The following ADCYAP1 variants were observed in gnomAD, a reference collection of about 807,000 sequenced individuals.
ADCYAP1 encodes adenylate cyclase activating polypeptide 1.
Under a neutral mutation model 18.5 loss-of-function variants are expected in ADCYAP1, and 6 were observed. The observed-to-expected ratio is 0.32, with a 90% CI of 0.18 to 0.64. ADCYAP1 has a LOEUF of 0.64. ADCYAP1 is among the 30% of genes least tolerant of loss of function. The probability of loss-of-function intolerance (pLI) is 0.77; values close to 1 mark genes in which losing one functional copy is unlikely to be tolerated. For missense variants in ADCYAP1, 314 were observed against 253.6 expected, an observed-to-expected ratio of 1.24 and a Z score of -1.62; for synonymous variants, 136 against 113.9, an observed-to-expected ratio of 1.19 and a Z score of -1.24.
At position 910,654 on chromosome 18, in the gene ADCYAP1, T is replaced by C. The variant is rs191206837; in HGVS notation, c.*1019T>C. 7.2e-5 allele frequency: 11 copies of C among 152,358 alleles called. No individual in the cohort carries two copies. Among genetic ancestry groups the C allele is most frequent in the Non-Finnish European group, 1.3e-4 (9 of 68,054 alleles). The allele number at this position is 152,358 out of a possible 1,614,324, so 9.4% of individuals were successfully genotyped here. Reference sequence around the variant, plus strand: ...TCCCAATGGTCCTGACTTTGGGCGCTGGGTATTGGAAATGGATGCAAAGTA... The same window carrying C: ...TCCCAATGGTCCTGACTTTGGGCGCCGGGTATTGGAAATGGATGCAAAGTA... On this transcript the variant is annotated 3_prime_UTR_variant, in exon 5 of 5. Coordinates refer to ENST00000450565, the MANE Select transcript of ADCYAP1 (RefSeq NM_001099733.2).
In ADCYAP1 at chr18:911,878, T is replaced by G. The variant is rs1469049443; in HGVS notation, c.*2243T>G. 2 of 152,236 alleles carry G rather than the reference T, an allele frequency of 1.3e-5. No homozygotes were observed. Among genetic ancestry groups the G allele is most frequent in the Non-Finnish European group, 2.9e-5 (2 of 68,044 alleles). 9.4% of individuals were successfully genotyped at this position (152,236 alleles called of 1,614,324 possible). A position where few individuals can be genotyped will look rare whatever the true frequency, so the allele number is the denominator to read the frequency against. On this transcript the variant is annotated 3_prime_UTR_variant, in exon 5 of 5. Coordinates refer to ENST00000450565, the MANE Select transcript of ADCYAP1 (RefSeq NM_001099733.2). ...AGGGCTCTAGTTAACCTTTTATTTA[T>G]GAAGTCTAATTTAGTGTTCCCGTGG...
intron 1 of ADCYAP1, 138 bp from the exon 2 acceptor site, chr18:905,248 T>C (rs1909117924): frequency 4.0e-6 from 6 of 1,481,904 alleles, no homozygotes; most frequent in Non-Finnish European, 5.3e-6. Context: ...GCGCACCGGC[T>C]GTCGCCAAGT....
chr18:907,809 C>T lies in ADCYAP1; in HGVS notation c.242+19C>T, dbSNP rs774718568. On this transcript the variant is annotated intron_variant, in intron 3 of 4. Transcript: ENST00000450565. The stretch of plus-strand genomic sequence containing the variant: ...GGAGAAGGTGAGATTCGCGCGGCCT[C>T]GCGCACACCCGCGGCTGGGAGCTCG... 23 of 1,418,750 alleles carry T rather than the reference C, an allele frequency of 1.6e-5. No individual in the cohort carries two copies. The highest frequency in any genetic ancestry group is 3.3e-5 in the Admixed American group (1 of 30,232). The allele number at this position is 1,418,750 out of a possible 1,614,324, so 87.9% of individuals were successfully genotyped here.
chr18:907,003 CCGGAGGGTGCGGACGCGCCACAGT>C (rs766848944), intron 2 of ADCYAP1, among the ~76,000 whole-genome samples: 112 of 152,382 alleles, frequency 7.3e-4, no homozygotes, highest in Non-Finnish European at 1.4e-3. Flanking sequence ...GCGAGAAGCA[CCGGAGGGTGCGGACGCGCCACAGT>C]CTGAGCCGCC....
chr18:904,988 C>G lies in ADCYAP1; in HGVS notation c.-74C>G. The G allele has an allele frequency of 7.7e-7, 1 of 1,291,314 alleles. No homozygotes were observed. The highest frequency in any genetic ancestry group is 1.2e-5 in the South Asian group (1 of 80,980). The allele number at this position is 1,291,314 out of a possible 1,614,324, so 80.0% of individuals were successfully genotyped here. On this transcript the variant is annotated 5_prime_UTR_variant, in exon 1 of 5. Transcript: ENST00000450565. Reference sequence around the variant, plus strand: ...GATGCCTCTCGGGTGGTGACTCCAGCGCAGGAACTTGAAGAAGCGCTTTGC... The same window carrying G: ...GATGCCTCTCGGGTGGTGACTCCAGGGCAGGAACTTGAAGAAGCGCTTTGC...
upstream of ADCYAP1, chr18:904,811 C>G (rs1013120067): frequency 7.8e-7 from 1 of 1,285,366 alleles, no homozygotes; most frequent in Non-Finnish European, 1.0e-6. Context: ...TCTCTCTCTG[C>G]GCCCCCTTCT....
rs994494394 is a variant in ADCYAP1, at chr18:911,447, G to A, written c.*1812G>A. On this transcript the variant is annotated 3_prime_UTR_variant, in exon 5 of 5. Coordinates refer to ENST00000450565, the MANE Select transcript of ADCYAP1 (RefSeq NM_001099733.2). ...AAAAAAGAACAAGGAAAGATTAAAC[G>A]TTAGCTTGTAAAGTTTAAAGGACCT... 1.3e-5 allele frequency: 2 copies of A among 151,302 alleles called. No individual in the cohort carries two copies. Among genetic ancestry groups the A allele is most frequent in the Non-Finnish European group, 2.9e-5 (2 of 67,916 alleles). 9.4% of individuals were successfully genotyped at this position (151,302 alleles called of 1,614,324 possible). A position where few individuals can be genotyped will look rare whatever the true frequency, so the allele number is the denominator to read the frequency against.
Position 911,632 on chromosome 18 carries a change from A to C in ADCYAP1, c.*1997A>C, listed in dbSNP as rs1425267210. The C allele has an allele frequency of 1.3e-5, 2 of 152,224 alleles. No homozygotes were observed. The highest frequency in any genetic ancestry group is 4.8e-5 in the African/African-American group (2 of 41,460). 9.4% of individuals were successfully genotyped at this position (152,224 alleles called of 1,614,324 possible). A position where few individuals can be genotyped will look rare whatever the true frequency, so the allele number is the denominator to read the frequency against. ...ATGCCTGAGTCCTGTGTATAGGATC[A>C]ATCTTCCTTTAATTCCGCAGTCTCC... On this transcript the variant is annotated 3_prime_UTR_variant, in exon 5 of 5. Transcript: ENST00000450565.
chr18:905,302 C>G, intron 1 of ADCYAP1, 84 bp from the exon 2 acceptor site: 2 of 1,549,334 alleles, frequency 1.3e-6, no homozygotes, highest in Non-Finnish European at 1.7e-6. Flanking sequence ...GTCCCTCCCC[C>G]GGCTTCCAGA....
upstream of ADCYAP1, chr18:904,579 G>C (rs1909084555): frequency 9.3e-6 from 12 of 1,287,286 alleles, no homozygotes; most frequent in Non-Finnish European, 1.2e-5. Context: ...AGAGGCAGCC[G>C]GAGAGACCTC....
chr18:910,418 T>A lies in ADCYAP1; in HGVS notation c.*783T>A, dbSNP rs71352971. The A allele has an allele frequency of 6.6e-6, 1 of 152,244 alleles. No individual in the cohort carries two copies. Among genetic ancestry groups the A allele is most frequent in the Non-Finnish European group, 1.5e-5 (1 of 68,046 alleles). 9.4% of individuals were successfully genotyped at this position (152,244 alleles called of 1,614,324 possible). A position where few individuals can be genotyped will look rare whatever the true frequency, so the allele number is the denominator to read the frequency against. On this transcript the variant is annotated 3_prime_UTR_variant, in exon 5 of 5. Transcript: ENST00000450565. ...CCCTAGGAGAAGAGTTGAGGAACTG[T>A]ACAGAAAAGGGCGGCTTCGTTAGAC...
At chr18:905,522 CA>C in intron 2 of ADCYAP1, 26 bp downstream of exon 2, 1 of 1,602,024 alleles carries the variant, frequency 6.2e-7, no homozygotes, top group Non-Finnish European at 8.5e-7. Flanking sequence ...CTGGCCCAAG[CA>C]GGAGCTGGGG....
upstream of ADCYAP1, chr18:904,657 C>G: frequency 8.2e-7 from 1 of 1,223,248 alleles, no homozygotes; most frequent in South Asian, 1.4e-5. Flanking sequence ...GCGGGCTAGC[C>G]GCCCGCCCTC....
upstream of ADCYAP1, chr18:904,586 C>T (rs1909084820): frequency 7.8e-7 from 1 of 1,282,440 alleles, no homozygotes; most frequent in African/African-American, 1.5e-5. Context: ...GCCGGAGAGA[C>T]CTCGGAGCAG....
chr18:909,010 G>T (rs1293085876), intron 4 of ADCYAP1, among the ~76,000 whole-genome samples: 1 of 152,226 alleles, frequency 6.6e-6, no homozygotes, highest in Non-Finnish European at 1.5e-5. Flanking sequence ...ACTAGGAATT[G>T]CAGGATCGAT....
chr18:909,587 G>C lies in ADCYAP1; in HGVS notation c.483G>C (p.Arg161Ser), dbSNP rs1472356692. The C allele has an allele frequency of 1.9e-6, 3 of 1,614,040 alleles. No individual in the cohort carries two copies. The highest frequency in any genetic ancestry group is 2.5e-6 in the Non-Finnish European group (3 of 1,179,970). ...ACTTGGCGGCCGTCCTAGGGAAGAG[G>C]TATAAACAAAGGGTTAAAAACAAAG... is the stretch of plus-strand genomic sequence containing the variant. ...KKYLAAVLGKRYKQRVKNKGR... is the reference protein window; with the variant it reads ...KKYLAAVLGKSYKQRVKNKGR... The change falls in exon 5 of 5, where the codon AGG becomes AGC. Residue 161 changes from arginine (R) to serine (S), a missense_variant. Coordinates refer to ENST00000450565, the MANE Select transcript of ADCYAP1 (RefSeq NM_001099733.2).
At chr18:908,196 A>G (rs1367321350) in intron 3 of ADCYAP1, 69 bp from the exon 4 acceptor site, 7 of 1,405,416 alleles carry the variant, frequency 5.0e-6, no homozygotes, top group Non-Finnish European at 6.9e-6. Context: ...GCGCCCAACA[A>G]GGGGGTCTCT....
chr18:905,237 C>A (rs1909117351), intron 1 of ADCYAP1, 149 bp from the exon 2 acceptor site: 2 of 1,469,120 alleles, frequency 1.4e-6, no homozygotes, highest in African/African-American at 1.4e-5. Flanking sequence ...AGTGGCAGGG[C>A]GCGCACCGGC....
rs531460011 is a variant in ADCYAP1, at chr18:908,881, G to A, written c.341+518G>A. Among the ~76,000 whole-genome samples the A allele has an allele frequency of 3.3e-4, 50 of 152,284 alleles. 1 individual carries two copies. The highest frequency in any genetic ancestry group is 2.8e-3 in the Admixed American group (43 of 15,298). On this transcript the variant is annotated intron_variant, in intron 4 of 4. Coordinates refer to ENST00000450565, the MANE Select transcript of ADCYAP1 (RefSeq NM_001099733.2). ...TTCTAATAAAGCCCGTGGGAAAACAGATTACATTTTCGCCATGAATAAGTC... is the reference window on the plus strand; with the variant it reads ...TTCTAATAAAGCCCGTGGGAAAACAAATTACATTTTCGCCATGAATAAGTC...
Sources: gnomAD v4.1 joint callset for allele counts (sites outside exome capture counted in the v4.1 genomes callset) on GRCh38, gnomAD v4.1.1 for gene constraint, MANE v1.5 for transcripts, NCBI Gene and HGNC (gene_info 2026-07-23, HGNC 2026-07-21) for gene names.